Variants in CSMD3 observed in about 807,000 individuals in gnomAD.
The protein encoded by CSMD3 is CUB and sushi domain-containing protein 3.
CSMD3 carries 177 observed loss-of-function variants against 435.2 expected under a neutral mutation model. That is an observed-to-expected ratio of 0.41 (90% CI 0.36 to 0.46). The LOEUF (loss-of-function observed/expected upper bound fraction) is 0.46, where lower values mean the gene tolerates loss of function less well. CSMD3 is among the 20% of genes least tolerant of loss of function. The pLI is 0.34. For synonymous variants in CSMD3, 1,656 were observed against 1,520.5 expected (o/e 1.09, Z -2.07); for missense variants, 4,265 against 4,504.6 (o/e 0.95, Z 1.52).
At chr8:113,419,112 T>G (rs567357664) in intron 1 of CSMD3, among the ~76,000 whole-genome samples, 1 of 146,350 alleles carries the variant, frequency 6.8e-6, no homozygotes, top group Admixed American at 7.6e-5. Flanking sequence ...TATACACTTG[T>G]TTTTTTTGGT....
intron 1 of CSMD3, among the ~76,000 whole-genome samples, chr8:113,358,749 CTG>C (rs1021192854): frequency 2.0e-5 from 3 of 151,556 alleles, no homozygotes; most frequent in African/African-American, 7.3e-5. Flanking sequence ...AAAAAGCATA[CTG>C]TATAATGCTT....
chr8:113,020,545 C>A (rs374074624), intron 5 of CSMD3, among the ~76,000 whole-genome samples: 1 of 152,210 alleles, frequency 6.6e-6, no homozygotes, highest in Non-Finnish European at 1.5e-5. Flanking sequence ...GTAAAAGAGT[C>A]TCCAAAGCAA....
chr8:113,271,027 T>A (rs750488950), intron 3 of CSMD3, among the ~76,000 whole-genome samples: 2 of 149,768 alleles, frequency 1.3e-5, no homozygotes, highest in Non-Finnish European at 3.0e-5. Context: ...GCCCTAGAGA[T>A]GTGTGGAACT....
chr8:113,372,267 ATAGT>A (rs1479835180), intron 1 of CSMD3, among the ~76,000 whole-genome samples: 1 of 152,230 alleles, frequency 6.6e-6, no homozygotes, highest in South Asian at 2.1e-4. Context: ...CACAAAGTCC[ATAGT>A]TAGTATCCTT....
At chr8:113,390,199 G>A (rs1228355587) in intron 1 of CSMD3, among the ~76,000 whole-genome samples, 2 of 151,614 alleles carry the variant, frequency 1.3e-5, no homozygotes, top group Admixed American at 6.6e-5. Context: ...GTGGACACAG[G>A]GCAAGTTCCC....
At chr8:112,847,968 T>G (rs982044016) in intron 11 of CSMD3, among the ~76,000 whole-genome samples, 6 of 152,148 alleles carry the variant, frequency 3.9e-5, no homozygotes, top group Admixed American at 1.3e-4. Context: ...ACCTTCATTA[T>G]AAATTGGACC....
chr8:112,921,576 A>G, intron 10 of CSMD3, 51 bp downstream of exon 10: 1 of 1,443,376 alleles, frequency 6.9e-7, no homozygotes, highest in East Asian at 2.3e-5. Flanking sequence ...ACAATGAAAT[A>G]AAGGTTAAAC....
intron 13 of CSMD3, among the ~76,000 whole-genome samples, chr8:112,797,588 C>T (rs1419972561): frequency 6.6e-6 from 1 of 151,792 alleles, no homozygotes; most frequent in Non-Finnish European, 1.5e-5. Flanking sequence ...CTGTCTCATG[C>T]AAAATCTACA....
chr8:112,513,555 A>C (rs1823355380), intron 28 of CSMD3, among the ~76,000 whole-genome samples: 1 of 152,190 alleles, frequency 6.6e-6, no homozygotes, highest in Admixed American at 6.5e-5. Context: ...AATAACAACA[A>C]AATAGCAATG....
In CSMD3 at chr8:112,636,538, TTCTATCTATCTATCTA is replaced by T. The variant is rs5894094; in HGVS notation, c.3715+263_3715+278del. 5.1e-3 allele frequency among the ~76,000 whole-genome samples: 760 copies of T among 149,446 alleles called. 6 individuals carry two copies. Among genetic ancestry groups the T allele is most frequent in the African/African-American group, 0.013 (516 of 40,644 alleles). ...CCATATATCTATGTGTCTATCATAT[TTCTATCTATCTATCTA>T]TCTATCTATCTATCTATCTATCTAT... On this transcript the variant is annotated intron_variant, in intron 22 of 70. Coordinates refer to ENST00000297405, the MANE Select transcript of CSMD3 (RefSeq NM_198123.2).
chr8:112,369,963 GGAAGAA>G (rs1320942013), intron 38 of CSMD3, among the ~76,000 whole-genome samples: 8 of 139,646 alleles, frequency 5.7e-5, no homozygotes, highest in African/African-American at 2.1e-4. Context: ...AGGAGGAGGA[GGAAGAA>G]GAAGAAGAAG....
intron 1 of CSMD3, among the ~76,000 whole-genome samples, chr8:113,326,722 C>A (rs1374409109): frequency 1.3e-5 from 2 of 152,076 alleles, no homozygotes; most frequent in Admixed American, 1.3e-4. Context: ...GACATTTATG[C>A]CACTGTGTCC....
At position 113,191,597 on chromosome 8, in the gene CSMD3, A is replaced by C. The variant is rs1021368093; in HGVS notation, c.515-17681T>G. On this transcript the variant is annotated intron_variant, in intron 3 of 70. Transcript: ENST00000297405. ...AACAAAACAAAACATGATTTCATTAATTTTATGACTGCATAGTAGTCCTTG... is the reference window on the plus strand; with the variant it reads ...AACAAAACAAAACATGATTTCATTACTTTTATGACTGCATAGTAGTCCTTG... Among the ~76,000 whole-genome samples, 4 of 151,624 alleles carry C rather than the reference A, an allele frequency of 2.6e-5. No individual in the cohort carries two copies. The South Asian group carries it at 8.3e-4, about 31-fold the overall frequency.
intron 7 of CSMD3, among the ~76,000 whole-genome samples, chr8:112,967,855 A>G (rs1434309370): frequency 6.6e-6 from 1 of 151,932 alleles, no homozygotes; most frequent in Non-Finnish European, 1.5e-5. Context: ...AAAGAAAAGA[A>G]GATGGAACAG....
At chr8:112,271,281 A>T (rs1379788180) in intron 59 of CSMD3, among the ~76,000 whole-genome samples, 1 of 152,216 alleles carries the variant, frequency 6.6e-6, no homozygotes, top group Non-Finnish European at 1.5e-5. Context: ...ATTGTTTAGC[A>T]AAAACAAATT....
intron 27 of CSMD3, among the ~76,000 whole-genome samples, chr8:112,550,426 C>T (rs1827578386): frequency 6.6e-6 from 1 of 151,590 alleles, no homozygotes; most frequent in African/African-American, 2.4e-5. Flanking sequence ...TTTAACACCA[C>T]TTTTACTTTA....
chr8:113,340,994 C>T (rs1307195038), intron 1 of CSMD3, among the ~76,000 whole-genome samples: 1 of 152,092 alleles, frequency 6.6e-6, no homozygotes, highest in African/African-American at 2.4e-5. Context: ...CAACCATCCT[C>T]TTAGGATCCT....
intron 13 of CSMD3, among the ~76,000 whole-genome samples, chr8:112,725,985 G>A (rs528946530): frequency 6.6e-6 from 1 of 152,090 alleles, no homozygotes; most frequent in African/African-American, 2.4e-5. Flanking sequence ...CAGCATGGCT[G>A]TGGAGTCCTC....
intron 3 of CSMD3, among the ~76,000 whole-genome samples, chr8:113,209,537 A>G (rs970580218): frequency 6.6e-6 from 1 of 152,138 alleles, no homozygotes; most frequent in African/African-American, 2.4e-5. Context: ...AAAAGTATGA[A>G]TTGGTCTAAA....
Sources: allele counts gnomAD v4.1 joint callset (sites outside exome capture counted in the v4.1 genomes callset), GRCh38; gene constraint gnomAD v4.1.1; transcripts MANE v1.5; gene names NCBI Gene and HGNC (gene_info 2026-07-23, HGNC 2026-07-21).